Variants in NGEF observed in about 807,000 individuals in gnomAD.
The protein encoded by NGEF is ephexin-1.
Under a neutral mutation model 80.9 loss-of-function variants are expected in NGEF, and 31 were observed. That is an observed-to-expected ratio of 0.38 (90% CI 0.29 to 0.52). The LOEUF (loss-of-function observed/expected upper bound fraction) is 0.52, where lower values mean the gene tolerates loss of function less well. Ranked by LOEUF, NGEF falls within the 20% of genes least tolerant of loss-of-function variation. The probability of loss-of-function intolerance (pLI) is 0.84; values close to 1 mark genes in which losing one functional copy is unlikely to be tolerated. For missense variants in NGEF, 709 were observed against 926.2 expected, an observed-to-expected ratio of 0.77 and a Z score of 3.04; for synonymous variants, 371 against 370.2, an observed-to-expected ratio of 1.00 and a Z score of -0.03.
chr2:232,931,175 A>G (rs1693209765), intron 3 of NGEF, among the ~76,000 whole-genome samples: 2 of 152,248 alleles, frequency 1.3e-5, no homozygotes, highest in Non-Finnish European at 2.9e-5. Flanking sequence ...TAGCAAGGCA[A>G]ATTCCATGAG....
At chr2:232,888,794 G>C (rs1385244390) in intron 8 of NGEF, among the ~76,000 whole-genome samples, 1 of 152,224 alleles carries the variant, frequency 6.6e-6, no homozygotes, top group Non-Finnish European at 1.5e-5. Flanking sequence ...TCTTCTCCAT[G>C]AAAGTGTAAG....
At chr2:232,996,272 G>A (rs1483292769) in intron 1 of NGEF, among the ~76,000 whole-genome samples, 1 of 152,160 alleles carries the variant, frequency 6.6e-6, no homozygotes, top group African/African-American at 2.4e-5. Flanking sequence ...AGGTTGCAAT[G>A]AGCTGAGATT....
chr2:232,962,997 A>G (rs1433850432), intron 3 of NGEF, among the ~76,000 whole-genome samples: 3 of 152,008 alleles, frequency 2.0e-5, no homozygotes, highest in Non-Finnish European at 4.4e-5. Flanking sequence ...GAGACAATGC[A>G]ATTTCAACTG....
Position 232,883,451 on chromosome 2 carries a change from T to C in NGEF, c.1617A>G (p.Val539=), listed in dbSNP as rs1691580480. The C allele has an allele frequency of 6.2e-7, 1 of 1,602,296 alleles. No individual in the cohort carries two copies. Among genetic ancestry groups the C allele is most frequent in the South Asian group, 1.1e-5 (1 of 88,958 alleles). Residue 539 remains valine, a synonymous_variant, in exon 12 of 15, where the codon GTA becomes GTG. Transcript: ENST00000264051. ...GCAGTCCCCGCGGAGCTGAGTCAAA[T>C]ACCTGGTACTTGTCTCTGGAGATCA... ...CRQIPGDKYQ[V]FDSAPRGLLR...
intron 3 of NGEF, among the ~76,000 whole-genome samples, chr2:232,961,674 T>G (rs1002041638): frequency 6.6e-6 from 1 of 151,958 alleles, no homozygotes; most frequent in Non-Finnish European, 1.5e-5. Context: ...TTGTATTTTT[T>G]TTTAGTAAAG....
intron 5 of NGEF, among the ~76,000 whole-genome samples, chr2:232,901,695 C>A (rs1692362060): frequency 6.6e-6 from 1 of 152,232 alleles, no homozygotes; most frequent in African/African-American, 2.4e-5. Flanking sequence ...CCTCCCCACA[C>A]AGGTCACCCC....
chr2:232,944,726 A>AATATATATATATATAT lies in NGEF; in HGVS notation c.384-17556_384-17541dup, dbSNP rs57851903. Among the ~76,000 whole-genome samples the AATATATATATATATAT allele has an allele frequency of 4.6e-3, 504 of 108,496 alleles. 7 individuals carry two copies. The highest frequency in any genetic ancestry group is 6.4e-3 in the South Asian group (20 of 3,128). 71.2% of individuals were successfully genotyped at this position (108,496 alleles called of 152,430 possible). On this transcript the variant is annotated intron_variant, in intron 3 of 14. Transcript: ENST00000264051. ...TGGGCTAGGGGATAAGACTTTTCCG[A>AATATATATATATATAT]ATATATATATATATATATATATATA... is the stretch of plus-strand genomic sequence containing the variant.
chr2:232,907,837 G>A (rs144162870), intron 5 of NGEF, among the ~76,000 whole-genome samples: 7 of 152,038 alleles, frequency 4.6e-5, no homozygotes, highest in South Asian at 4.1e-4. Context: ...GGCCGGGCAC[G>A]GTGGCTCACA....
intron 7 of NGEF, 38 bp from the exon 8 acceptor site, chr2:232,891,525 C>T (rs1232274765): frequency 1.3e-6 from 2 of 1,596,534 alleles, no homozygotes; most frequent in South Asian, 1.1e-5. Context: ...CTCTGAGCTG[C>T]AGGAGGCATG....
chr2:232,910,669 C>T (rs926657123), intron 5 of NGEF, among the ~76,000 whole-genome samples: 2 of 152,226 alleles, frequency 1.3e-5, no homozygotes, highest in African/African-American at 4.8e-5. Context: ...CATTTTGTGA[C>T]CTCACCAGCC....
intron 3 of NGEF, among the ~76,000 whole-genome samples, chr2:232,946,904 C>T (rs894379298): frequency 1.4e-5 from 2 of 148,046 alleles, no homozygotes; most frequent in African/African-American, 4.9e-5. Context: ...CATAGTCATA[C>T]TCGAAAACAA....
intron 3 of NGEF, among the ~76,000 whole-genome samples, chr2:232,952,587 C>A (rs1293952882): frequency 1.3e-5 from 2 of 152,168 alleles, no homozygotes; most frequent in Non-Finnish European, 2.9e-5. Context: ...CTCCACATAT[C>A]AATTTCTACA....
rs1390562467 is a variant in NGEF at position 232,879,431 on chromosome 2, C to CT, written c.*57_*58insA. 3.5e-6 allele frequency: 5 copies of CT among 1,408,640 alleles called. 1 individual carries two copies. The South Asian group carries it at 5.4e-5, about 15-fold the overall frequency. 87.3% of individuals were successfully genotyped at this position (1,408,640 alleles called of 1,614,324 possible). ...CTGTGCTTCCCAGAGCCCCCCCCCC[C>CT]CCACCTTCTGTCGGGGTCTCATGCA... is the stretch of plus-strand genomic sequence containing the variant. On this transcript the variant is annotated 3_prime_UTR_variant, in exon 15 of 15. Coordinates refer to ENST00000264051, the MANE Select transcript of NGEF (RefSeq NM_019850.3).
Position 232,879,681 on chromosome 2 carries a change from T to C in NGEF, c.1943-2A>G, listed in dbSNP as rs746233409. 2 of 1,607,604 alleles carry C rather than the reference T, an allele frequency of 1.2e-6. 1 individual carries two copies. The highest frequency in any genetic ancestry group is 2.2e-5 in the South Asian group (2 of 91,002). On this transcript the variant is annotated splice_acceptor_variant, in intron 14 of 14. Coordinates refer to ENST00000264051, the MANE Select transcript of NGEF (RefSeq NM_019850.3). LOFTEE classifies it high-confidence loss of function. ...GCAGACGCTCGCCAAAGATCCACCC[T>C]GTGCAGGGAGGGGAGGGAGAGAAGG...
chr2:232,945,522 G>A (rs1693539225), intron 3 of NGEF, among the ~76,000 whole-genome samples: 1 of 152,132 alleles, frequency 6.6e-6, no homozygotes, highest in South Asian at 2.1e-4. Context: ...AGAATGCTAT[G>A]TGAAGACATT....
chr2:232,900,369 CTT>C (rs1692287475), intron 5 of NGEF, among the ~76,000 whole-genome samples: 1 of 102,150 alleles, frequency 9.8e-6, no homozygotes, highest in African/African-American at 3.9e-5. Context: ...CTCACATTCA[CTT>C]ACACACACAC....
chr2:232,974,472 G>A, intron 2 of NGEF, 151 bp downstream of exon 2: 1 of 952,270 alleles, frequency 1.1e-6, no homozygotes, highest in Non-Finnish European at 1.6e-6. Context: ...GGGTTCTTTA[G>A]ATAATGGTTT....
chr2:232,884,255 A>G (rs1423652451), intron 10 of NGEF, 111 bp from the exon 11 acceptor site: 5 of 1,239,484 alleles, frequency 4.0e-6, no homozygotes, highest in Non-Finnish European at 5.4e-6. Context: ...GGGCCCCGAC[A>G]CATGAGGCAC....
At chr2:232,973,392 T>C (rs1413183729) in intron 2 of NGEF, among the ~76,000 whole-genome samples, 1 of 152,370 alleles carries the variant, frequency 6.6e-6, no homozygotes, top group Middle Eastern at 3.4e-3. Flanking sequence ...TTGTGGTGGA[T>C]GGCAACAGCC....
Sources: allele counts gnomAD v4.1 joint callset (sites outside exome capture counted in the v4.1 genomes callset), GRCh38; gene constraint gnomAD v4.1.1; transcripts MANE v1.5; gene names NCBI Gene and HGNC (gene_info 2026-07-23, HGNC 2026-07-21).